TTC13: variants seen among roughly 807,000 people sequenced by gnomAD.
The protein encoded by TTC13 is tetratricopeptide repeat domain 13, also known as tetratricopeptide repeat protein 13.
A neutral mutation model predicts 120.0 loss-of-function variants in TTC13; 62 were observed. That is an observed-to-expected ratio of 0.52 (90% confidence interval 0.42 to 0.64). TTC13 has a LOEUF of 0.64. Ranked by LOEUF, TTC13 falls within the 30% of genes least tolerant of loss-of-function variation. TTC13 has a pLI of 0.00. For synonymous variants in TTC13, 384 were observed against 393.5 expected, an observed-to-expected ratio of 0.98 and a Z score of 0.28; for missense variants, 824 against 1,050.2, an observed-to-expected ratio of 0.78 and a Z score of 2.98.
At chr1:230,972,455 C>T (rs929048939) in intron 1 of TTC13, among the ~76,000 whole-genome samples, 3 of 152,164 alleles carry the variant, frequency 2.0e-5, no homozygotes, top group African/African-American at 7.2e-5. Flanking sequence ...AAAATTCTGC[C>T]GCTTTGATAA....
chr1:230,955,255 A>C (rs1371824133), intron 3 of TTC13, among the ~76,000 whole-genome samples: 2 of 152,206 alleles, frequency 1.3e-5, no homozygotes, highest in African/African-American at 4.8e-5. Context: ...ATTTGCAAAA[A>C]AGCTCTTCTG....
intron 1 of TTC13, among the ~76,000 whole-genome samples, chr1:230,964,020 T>C (rs1189457020): frequency 6.6e-6 from 1 of 152,168 alleles, no homozygotes. Context: ...TCCTGCCTTT[T>C]CTAAGCTAAG....
intron 1 of TTC13, among the ~76,000 whole-genome samples, chr1:230,962,985 T>C (rs1395737409): frequency 6.6e-6 from 1 of 152,140 alleles, no homozygotes; most frequent in Non-Finnish European, 1.5e-5. Flanking sequence ...TATTTTGGAG[T>C]GTTGAAAACA....
chr1:230,964,786 A>C (rs1053829064), intron 1 of TTC13, among the ~76,000 whole-genome samples: 1 of 152,214 alleles, frequency 6.6e-6, no homozygotes, highest in Non-Finnish European at 1.5e-5. Context: ...ACAGACACAC[A>C]GACTAATGGA....
chr1:230,955,202 AAC>A (rs1675938988), intron 3 of TTC13, among the ~76,000 whole-genome samples: 1 of 152,146 alleles, frequency 6.6e-6, no homozygotes, highest in Non-Finnish European at 1.5e-5. Context: ...ATCCCTGAAA[AAC>A]ATTTTATTCC....
intron 1 of TTC13, among the ~76,000 whole-genome samples, chr1:230,976,660 C>T (rs940342171): frequency 2.0e-5 from 3 of 151,928 alleles, no homozygotes; most frequent in Admixed American, 1.3e-4. Context: ...TTTTAAATTC[C>T]AAGCTAGAAA....
chr1:230,925,962 C>G (rs1282102380), intron 12 of TTC13, among the ~76,000 whole-genome samples: 1 of 152,168 alleles, frequency 6.6e-6, no homozygotes, highest in African/African-American at 2.4e-5. Flanking sequence ...GAATGGACTG[C>G]CTTTTTCAAC....
At chr1:230,908,644 A>C in intron 22 of TTC13, 68 bp downstream of exon 22, 1 of 1,318,414 alleles carries the variant, frequency 7.6e-7, no homozygotes, top group South Asian at 1.2e-5. Context: ...AGCGCTCCAA[A>C]GTAACAGGAA....
intron 5 of TTC13, 30 bp from the exon 6 acceptor site, chr1:230,943,928 A>G: frequency 4.6e-6 from 7 of 1,525,322 alleles, no homozygotes; most frequent in South Asian, 1.2e-5. Context: ...AGTATGAGAC[A>G]TACTGTTACT....
intron 8 of TTC13, among the ~76,000 whole-genome samples, chr1:230,935,189 C>G (rs181495410): frequency 2.6e-5 from 4 of 152,306 alleles, no homozygotes; most frequent in Admixed American, 2.0e-4. Context: ...TAAGACTTTA[C>G]CACTATATTC....
rs145318199 is a variant in TTC13, at chr1:230,911,428, T to C, written c.2309+42A>G. 1.8e-5 allele frequency: 25 copies of C among 1,418,766 alleles called. No homozygotes were observed. In the East Asian group the frequency reaches 4.7e-4, roughly 27 times the overall value. The allele number at this position is 1,418,766 out of a possible 1,614,324, so 87.9% of individuals were successfully genotyped here. A position where few individuals can be genotyped will look rare whatever the true frequency, so the allele number is the denominator to read the frequency against. On this transcript the variant is annotated intron_variant, in intron 20 of 22. Coordinates refer to ENST00000366661, the MANE Select transcript of TTC13 (RefSeq NM_024525.5). ...GGAAGGATAAGCAAAAAAGAACACA[T>C]TTCTCAATTTAAAATAATTTTAATG...
intron 8 of TTC13, among the ~76,000 whole-genome samples, chr1:230,939,162 T>C (rs958339779): frequency 6.6e-6 from 1 of 152,236 alleles, no homozygotes; most frequent in African/African-American, 2.4e-5. Flanking sequence ...ATAAATTATA[T>C]GTGGAAAAAG....
intron 2 of TTC13, among the ~76,000 whole-genome samples, chr1:230,960,505 C>T (rs141137957): frequency 2.7e-5 from 4 of 150,798 alleles, no homozygotes; most frequent in East Asian, 1.9e-4. Flanking sequence ...TAAAAGCAGA[C>T]GATCATTCTC....
chr1:230,935,785 C>G (rs951198780), intron 8 of TTC13, among the ~76,000 whole-genome samples: 7 of 152,178 alleles, frequency 4.6e-5, no homozygotes, highest in Admixed American at 1.3e-4. Flanking sequence ...GGAATGGAGA[C>G]AGGGAGCCAA....
chr1:230,919,579 C>T (rs1038150725), intron 17 of TTC13, among the ~76,000 whole-genome samples: 4 of 152,162 alleles, frequency 2.6e-5, no homozygotes, highest in Admixed American at 6.5e-5. Context: ...GGTTATTTTG[C>T]CTTTCTTTAA....
intron 11 of TTC13, among the ~76,000 whole-genome samples, 165 bp downstream of exon 11, chr1:230,931,133 G>C (rs1558185044): frequency 6.6e-6 from 1 of 152,188 alleles, no homozygotes; most frequent in Non-Finnish European, 1.5e-5. Flanking sequence ...TTTGAAGATA[G>C]AAACATCTAG....
chr1:230,941,022 C>T (rs1558195598), intron 6 of TTC13, among the ~76,000 whole-genome samples: 1 of 152,130 alleles, frequency 6.6e-6, no homozygotes, highest in African/African-American at 2.4e-5. Flanking sequence ...ATGACAACTT[C>T]TAAGATTCCA....
intron 8 of TTC13, among the ~76,000 whole-genome samples, chr1:230,938,441 A>G (rs901879297): frequency 6.6e-5 from 10 of 152,190 alleles, no homozygotes; most frequent in East Asian, 1.9e-4. Flanking sequence ...GACTCGGAAC[A>G]TGGAATCGAG....
intron 18 of TTC13, among the ~76,000 whole-genome samples, chr1:230,914,942 CA>C (rs1207567554): frequency 6.6e-5 from 10 of 152,174 alleles, no homozygotes; most frequent in African/African-American, 2.4e-4. Context: ...ATAGTAATTT[CA>C]TTTCTGCTTA....
Sources: allele counts gnomAD v4.1 joint callset (sites outside exome capture counted in the v4.1 genomes callset), GRCh38; gene constraint gnomAD v4.1.1; transcripts MANE v1.5; gene names NCBI Gene and HGNC (gene_info 2026-07-23, HGNC 2026-07-21).